CEP135: variants seen among roughly 807,000 people sequenced by gnomAD.
CEP135 encodes the protein centrosomal protein of 135 kDa.
CEP135 carries 142 observed loss-of-function variants against 157.3 expected under a neutral mutation model. The ratio of observed to expected loss-of-function variants is 0.90; its 90% confidence interval spans 0.79 to 1.04. CEP135 has a LOEUF of 1.04. CEP135 is among the 50% of genes least tolerant of loss of function. CEP135 has a pLI of 0.00. For synonymous variants in CEP135, 396 were observed against 439.8 expected, an observed-to-expected ratio of 0.90 and a Z score of 1.25; for missense variants, 1,317 against 1,309.2, an observed-to-expected ratio of 1.01 and a Z score of -0.09.
chr4:55,957,284 T>TC lies in CEP135; in HGVS notation c.537dup (p.Ser180LeufsTer2). ...GTATGCAAATTGATGAACCGGTTCC[T>TC]CCCTCTGAAGTCAGTTCATATCCAG... On this transcript the variant is annotated frameshift_variant, in exon 5 of 26. Coordinates refer to ENST00000257287, the MANE Select transcript of CEP135 (RefSeq NM_025009.5). LOFTEE classifies it high-confidence loss of function. The TC allele has an allele frequency of 6.2e-7, 1 of 1,614,120 alleles. No individual in the cohort carries two copies. The highest frequency in any genetic ancestry group is 8.5e-7 in the Non-Finnish European group (1 of 1,179,960).
chr4:56,018,941 G>A lies in CEP135; in HGVS notation c.3013-412G>A, dbSNP rs543055311. ...TAACCTAGTGTTTGTTTTCAAACAT[G>A]GATGTTTTCAATTTTCACTCATCTA... On this transcript the variant is annotated intron_variant, in intron 22 of 25. Transcript: ENST00000257287. Among the ~76,000 whole-genome samples the A allele has an allele frequency of 2.6e-5, 4 of 152,152 alleles. No individual in the cohort carries two copies. In the South Asian group the frequency reaches 8.3e-4, roughly 32 times the overall value.
chr4:56,024,719 A>C (rs1398548390), intron 25 of CEP135, 105 bp downstream of exon 25: 1 of 746,504 alleles, frequency 1.3e-6, no homozygotes, highest in Non-Finnish European at 2.3e-6. Context: ...TAAGGCGTTC[A>C]GGAGAACTTC....
rs1240990321 is a variant in CEP135 at position 55,999,369 on chromosome 4, G to A, written c.2077G>A (p.Glu693Lys). ...YQHRLSIKRGELESAQAQIKI... is the reference protein window; with the variant it reads ...YQHRLSIKRGKLESAQAQIKI... ...GCACCGACTTTCCATAAAAAGAGGT[G>A]AACTTGAATCAGCCCAAGCACAAAT... is the stretch of plus-strand genomic sequence containing the variant. The change falls in exon 16 of 26, where the codon GAA (glutamate) becomes AAA (lysine). Residue 693 changes from glutamate (E) to lysine (K), a missense_variant. Physicochemically the swap from Glu to Lys is moderately conservative, Grantham distance 56 (BLOSUM62 1). Coordinates refer to ENST00000257287, the MANE Select transcript of CEP135 (RefSeq NM_025009.5). 6.2e-7 allele frequency: 1 copy of A among 1,614,050 alleles called. No individual in the cohort carries two copies.
chr4:55,956,930 C>T (rs763459686), intron 4 of CEP135, among the ~76,000 whole-genome samples: 45 of 152,064 alleles, frequency 3.0e-4, no homozygotes, highest in Non-Finnish European at 5.4e-4. Flanking sequence ...AGCTTTTAAA[C>T]TTGCCAAAGT....
At chr4:55,964,145 C>A in intron 6 of CEP135, 129 bp from the exon 7 acceptor site, 1 of 811,424 alleles carries the variant, frequency 1.2e-6, no homozygotes, top group Non-Finnish European at 1.8e-6. Context: ...TATATGGACA[C>A]AAATATGAAT....
At position 56,015,477 on chromosome 4, in the gene CEP135, A is replaced by G. The variant is rs113834960; in HGVS notation, c.2803-2171A>G. On this transcript the variant is annotated intron_variant, in intron 21 of 25. Transcript: ENST00000257287. ...CTGCTTGGTTTCAGAGGGCAAGGCCACTGCCCCTGTGGGACACAGGGTGGG... is the reference window on the plus strand; with the variant it reads ...CTGCTTGGTTTCAGAGGGCAAGGCCGCTGCCCCTGTGGGACACAGGGTGGG... Among the ~76,000 whole-genome samples the G allele has an allele frequency of 4.4e-3, 677 of 152,364 alleles. 2 individuals carry two copies. Among genetic ancestry groups the G allele is most frequent in the African/African-American group, 0.015 (642 of 41,580 alleles).
chr4:55,957,587 C>T (rs1161887625), intron 5 of CEP135, among the ~76,000 whole-genome samples: 1 of 152,178 alleles, frequency 6.6e-6, no homozygotes, highest in Non-Finnish European at 1.5e-5. Context: ...TCTGTTCATA[C>T]TGGCTTAAAA....
At chr4:55,969,002 G>A (rs889412401) in intron 8 of CEP135, 61 bp from the exon 9 acceptor site, 10 of 1,257,052 alleles carry the variant, frequency 8.0e-6, no homozygotes, top group Non-Finnish European at 1.1e-5. Flanking sequence ...TGATCTATTT[G>A]CATATGACTT....
intron 15 of CEP135, among the ~76,000 whole-genome samples, chr4:55,996,224 A>C (rs1326706937): frequency 6.6e-6 from 1 of 152,098 alleles, no homozygotes; most frequent in Non-Finnish European, 1.5e-5. Context: ...TGGCTCAAGC[A>C]GTCTTCCCAC....
intron 21 of CEP135, among the ~76,000 whole-genome samples, chr4:56,013,381 A>C (rs755266746): frequency 4.6e-5 from 7 of 152,152 alleles, no homozygotes; most frequent in Non-Finnish European, 8.8e-5. Context: ...AATTTAAATG[A>C]AGTCCAATTT....
At chr4:56,021,486 C>T (rs972586458) in intron 24 of CEP135, among the ~76,000 whole-genome samples, 8 of 152,108 alleles carry the variant, frequency 5.3e-5, no homozygotes, top group East Asian at 1.9e-4. Context: ...GTTACTAACC[C>T]GGATTGAGAC....
At chr4:56,016,305 T>C (rs1032098357) in intron 21 of CEP135, among the ~76,000 whole-genome samples, 1 of 152,166 alleles carries the variant, frequency 6.6e-6, no homozygotes, top group Admixed American at 6.5e-5. Context: ...TTTTGTTTTT[T>C]TAAAACACCT....
At chr4:56,008,291 G>T in intron 17 of CEP135, 36 bp from the exon 18 acceptor site, 3 of 1,456,432 alleles carry the variant, frequency 2.1e-6, no homozygotes, top group South Asian at 1.2e-5. Context: ...AAGACATTTT[G>T]GTTTAAAATC....
intron 15 of CEP135, among the ~76,000 whole-genome samples, chr4:55,994,186 A>G (rs1729888234): frequency 1.3e-5 from 2 of 152,196 alleles, no homozygotes; most frequent in African/African-American, 4.8e-5. Flanking sequence ...AGTATGATTA[A>G]TAGAGCTCTT....
chr4:55,961,101 C>CAAAAAA (rs59483327), intron 6 of CEP135, among the ~76,000 whole-genome samples: 2 of 70,000 alleles, frequency 2.9e-5, no homozygotes, highest in Non-Finnish European at 6.1e-5. Context: ...GACTCTGTCT[C>CAAAAAA]AAAAAAAAAA....
intron 6 of CEP135, among the ~76,000 whole-genome samples, chr4:55,963,178 A>G (rs183022084): frequency 6.6e-6 from 1 of 152,116 alleles, no homozygotes; most frequent in African/African-American, 2.4e-5. Context: ...CTTCTGTTCT[A>G]TCCTCTACCA....
chr4:55,994,307 G>A (rs1166288687), intron 15 of CEP135, among the ~76,000 whole-genome samples: 1 of 152,200 alleles, frequency 6.6e-6, no homozygotes, highest in Admixed American at 6.5e-5. Context: ...AACACTTTGG[G>A]AGGCCAAGGT....
intron 19 of CEP135, 131 bp downstream of exon 19, chr4:56,010,034 T>C (rs1318100788): frequency 2.0e-6 from 2 of 994,102 alleles, no homozygotes; most frequent in East Asian, 2.7e-5. Flanking sequence ...TTAAGGACAA[T>C]GGTGTTTATC....
intron 11 of CEP135, among the ~76,000 whole-genome samples, chr4:55,977,275 T>G (rs906083700): frequency 6.6e-6 from 1 of 152,198 alleles, no homozygotes; most frequent in Middle Eastern, 3.4e-3. Context: ...CAGAAAAAAA[T>G]TGACATTTTT....
Sources: gnomAD v4.1 joint callset for allele counts (sites outside exome capture counted in the v4.1 genomes callset) on GRCh38, gnomAD v4.1.1 for gene constraint, MANE v1.5 for transcripts, NCBI Gene and HGNC (gene_info 2026-07-23, HGNC 2026-07-21) for gene names.